The following CHRNA2 variants were observed in gnomAD, a reference collection of about 807,000 sequenced individuals.
CHRNA2 encodes neuronal acetylcholine receptor subunit alpha-2.
CHRNA2 carries 40 observed loss-of-function variants against 45.5 expected under a neutral mutation model. The ratio of observed to expected loss-of-function variants is 0.88; its 90% confidence interval spans 0.68 to 1.15. The LOEUF is 1.15. CHRNA2 is among the 50% of genes most tolerant of loss of function. The pLI, the probability that CHRNA2 is intolerant of heterozygous loss-of-function variation, is 0.00. For synonymous variants in CHRNA2, 301 were observed against 296.7 expected (o/e 1.01, Z -0.15); for missense variants, 655 against 701.7 (o/e 0.93, Z 0.75).
chr8:27,463,455 C>G lies in CHRNA2; in HGVS notation c.988G>C (p.Glu330Gln). ...AAGATCATGGTGAACAGCAGGTACT[C>G]GCCGATGAGCGGGATGACCAGCGAG... Reference protein sequence around the residue: ...STSLVIPLIGEYLLFTMIFVT... With the variant: ...STSLVIPLIGQYLLFTMIFVT... Residue 330 changes from glutamate to glutamine, a missense_variant, in exon 6 of 7, where the codon GAG becomes CAG. This residue lies in a region of CHRNA2 where 295 missense variants were observed against 280.4 expected (regional missense o/e 1.05). Transcript: ENST00000407991. This position sits in a 1 kb window ranked among gnomAD's most constrained non-coding sequence, Gnocchi z 6.1. The G allele has an allele frequency of 6.2e-7, 1 of 1,614,148 alleles. No homozygotes were observed. Among genetic ancestry groups the G allele is most frequent in the South Asian group, 1.1e-5 (1 of 91,082 alleles).
At chr8:27,473,401 T>TA (rs1321549767) in intron 1 of CHRNA2, among the ~76,000 whole-genome samples, 9 of 152,112 alleles carry the variant, frequency 5.9e-5, no homozygotes, top group Admixed American at 2.6e-4. Flanking sequence ...AAAGTGGCTT[T>TA]AAAAATATAA....
rs777510962 is a variant in CHRNA2, at chr8:27,463,292, G to A, written c.1151C>T (p.Pro384Leu). ...VPRWLLMNRP[P>L]PPVELCHPLR... ...GGGGTGGCAGAGCTCCACGGGTGGT[G>A]GGGGCCGGTTCATCAGAAGCCACCG... Residue 384 changes from proline (P) to leucine (L), a missense_variant, in exon 6 of 7, where the codon CCA (proline) becomes CTA (leucine). Around this residue, in one of 3 missense-constraint regions of CHRNA2, gnomAD observed 295 missense variants for 280.4 expected, o/e 1.05. Transcript: ENST00000407991. The surrounding 1 kb of genome is among the most constrained non-coding windows in gnomAD (Gnocchi z 6.1). 8 of 1,609,482 alleles carry A rather than the reference G, an allele frequency of 5.0e-6. No individual in the cohort carries two copies. Among genetic ancestry groups the A allele is most frequent in the Non-Finnish European group, 6.8e-6 (8 of 1,176,648 alleles).
intron 1 of CHRNA2, among the ~76,000 whole-genome samples, 195 bp downstream of exon 1, chr8:27,478,629 A>C (rs1017587946): frequency 1.3e-4 from 20 of 152,206 alleles, no homozygotes; most frequent in Non-Finnish European, 8.8e-5. Context: ...GGAGGTGTTC[A>C]TCGTCACCTG....
In CHRNA2 at chr8:27,467,317, G is replaced by A. The variant is rs746274421; in HGVS notation, c.361C>T (p.Arg121Cys). The change falls in exon 5 of 7, where the codon CGC becomes TGC. Residue 121 changes from arginine (R) to cysteine (C), a missense_variant. Physicochemically the swap from Arg to Cys is radical, Grantham distance 180. Coordinates refer to ENST00000407991, the MANE Select transcript of CHRNA2 (RefSeq NM_000742.4). ...TTGCCAAAATCAGTGGGGTTCCAGC[G>A]CAGTTTGTAGTCGCTCCACTCCTGT... is the stretch of plus-strand genomic sequence containing the variant. ...LKQEWSDYKL[R>C]WNPTDFGNIT... 8.7e-6 allele frequency: 14 copies of A among 1,613,486 alleles called. No individual in the cohort carries two copies. The highest frequency in any genetic ancestry group is 1.7e-5 in the Admixed American group (1 of 60,008).
Position 27,471,129 on chromosome 8 carries a change from C to A in CHRNA2, c.-71G>T. On this transcript the variant is annotated 5_prime_UTR_variant, in exon 2 of 7. Coordinates refer to ENST00000407991, the MANE Select transcript of CHRNA2 (RefSeq NM_000742.4). ...GTTGCACCATGGACCATGTCCCCAGCAGAGCTGCTGCTGGATTCTGTGAGG... is the reference window on the plus strand; with the variant it reads ...GTTGCACCATGGACCATGTCCCCAGAAGAGCTGCTGCTGGATTCTGTGAGG... 7.2e-7 allele frequency: 1 copy of A among 1,397,162 alleles called. No homozygotes were observed. Among genetic ancestry groups the A allele is most frequent in the Non-Finnish European group, 1.0e-6 (1 of 987,296 alleles). 86.5% of individuals were successfully genotyped at this position (1,397,162 alleles called of 1,614,324 possible). A position where few individuals can be genotyped will look rare whatever the true frequency, so the allele number is the denominator to read the frequency against.
rs1036275365 is a variant in CHRNA2 at position 27,462,986 on chromosome 8, T to C, written c.1457A>G (p.Asp486Gly). The change falls in exon 6 of 7, where the codon GAC becomes GGC. Residue 486 changes from aspartate (D) to glycine (G), a missense_variant. Physicochemically the swap from Asp to Gly is moderately conservative, Grantham distance 94 (BLOSUM62 -1). This residue lies in a region of CHRNA2 where 295 missense variants were observed against 280.4 expected (regional missense o/e 1.05). Transcript: ENST00000407991. ...CTCCCAACCCCAACGCACCGAAGAG[T>C]CAGCATCCTCAGACCGCAGGTGGTC... Reference protein sequence around the residue: ...IADHLRSEDADSSVKEDWKYV... With the variant: ...IADHLRSEDAGSSVKEDWKYV... The C allele has an allele frequency of 6.2e-7, 1 of 1,613,582 alleles. No homozygotes were observed. The highest frequency in any genetic ancestry group is 1.3e-5 in the African/African-American group (1 of 74,784).
At chr8:27,466,277 A>C (rs1812695850) in intron 5 of CHRNA2, among the ~76,000 whole-genome samples, 1 of 152,204 alleles carries the variant, frequency 6.6e-6, no homozygotes, top group Admixed American at 6.5e-5. Flanking sequence ...AAAATCCAGA[A>C]ATGGGTTGTT....
intron 5 of CHRNA2, among the ~76,000 whole-genome samples, chr8:27,466,146 G>C (rs1812692294): frequency 6.6e-6 from 1 of 152,070 alleles, no homozygotes; most frequent in Non-Finnish European, 1.5e-5. Context: ...TGCTGTGTGA[G>C]AGCGGCCAGT....
Position 27,463,906 on chromosome 8 carries a change from G to T in CHRNA2, c.537C>A (p.Tyr179Ter). ...GTVHWVPPAIYKSSCSIDVTF... is the reference protein window; with the variant it reads ...GTVHWVPPAI ...TGACGTCGATGCTGCAGGAGCTCTT[G>T]TAGATGGCCGGGGGCACCCAGTGCA... is the stretch of plus-strand genomic sequence containing the variant. The change falls in exon 6 of 7, where the codon TAC (tyrosine) becomes TAA (stop). Residue 179 changes from tyrosine (Y) to a stop codon, truncating the protein, a stop_gained. Transcript: ENST00000407991. LOFTEE classifies it high-confidence loss of function. The surrounding 1 kb of genome is among the most constrained non-coding windows in gnomAD (Gnocchi z 6.1). The T allele has an allele frequency of 1.2e-6, 2 of 1,614,218 alleles. No individual in the cohort carries two copies. Among genetic ancestry groups the T allele is most frequent in the African/African-American group, 2.7e-5 (2 of 75,046 alleles).
intron 1 of CHRNA2, among the ~76,000 whole-genome samples, chr8:27,476,158 G>T (rs1324966344): frequency 6.6e-6 from 1 of 152,180 alleles, no homozygotes; most frequent in Non-Finnish European, 1.5e-5. Flanking sequence ...GACTGTAAGA[G>T]AATGTACTAC....
At chr8:27,477,288 G>T (rs1460565016) in intron 1 of CHRNA2, 1 of 152,180 alleles carries the variant, frequency 6.6e-6, no homozygotes. Context: ...GGCCCACCTG[G>T]ATCCCAGATT....
At chr8:27,472,126 G>A (rs1162173908) in intron 1 of CHRNA2, among the ~76,000 whole-genome samples, 3 of 152,190 alleles carry the variant, frequency 2.0e-5, no homozygotes, top group Non-Finnish European at 2.9e-5. Context: ...TGGAAGCTCC[G>A]TGCCCCTTCC....
At chr8:27,469,504 C>A in intron 3 of CHRNA2, 125 bp from the exon 4 acceptor site, 1 of 1,078,008 alleles carries the variant, frequency 9.3e-7, no homozygotes, top group Admixed American at 2.0e-5. Flanking sequence ...CGCCCGCCAC[C>A]CACTCTGAAA....
intron 1 of CHRNA2, among the ~76,000 whole-genome samples, chr8:27,472,300 G>A (rs1006145424): frequency 6.6e-6 from 1 of 152,214 alleles, no homozygotes; most frequent in Non-Finnish European, 1.5e-5. Flanking sequence ...AGAAGCACAG[G>A]TAAAACAACC....
At chr8:27,473,299 C>A (rs1339465365) in intron 1 of CHRNA2, among the ~76,000 whole-genome samples, 1 of 152,122 alleles carries the variant, frequency 6.6e-6, no homozygotes, top group Non-Finnish European at 1.5e-5. Context: ...GTGGTGACGG[C>A]TGCACACTGT....
At chr8:27,477,141 C>T (rs941611316) in intron 1 of CHRNA2, 2 of 152,156 alleles carry the variant, frequency 1.3e-5, no homozygotes, top group African/African-American at 2.4e-5. Flanking sequence ...GGGGCGATTT[C>T]GTATTAGCAA....
intron 6 of CHRNA2, 123 bp downstream of exon 6, chr8:27,462,856 C>A: frequency 8.5e-7 from 1 of 1,171,570 alleles, no homozygotes. Context: ...AGGACCATGA[C>A]TGAGGAAAGT....
At chr8:27,475,875 G>A (rs558261413) in intron 1 of CHRNA2, among the ~76,000 whole-genome samples, 1 of 152,176 alleles carries the variant, frequency 6.6e-6, no homozygotes, top group South Asian at 2.1e-4. Context: ...ACTCCTTAAG[G>A]GTGACCACTG....
At position 27,469,857 on chromosome 8, in the gene CHRNA2, G is replaced by A. The variant is rs1812818583; in HGVS notation, c.198C>T (p.Leu66=). ...TETEDRLFKH[L]FRGYNRWARP... ...GCGCCCAGCGGTTGTAGCCCCGGAA[G>A]AGGTGTTTGAAGAGCCGGTCCTCAG... Residue 66 remains leucine (L), a synonymous_variant, in exon 3 of 7, where the codon CTC becomes CTT. Transcript: ENST00000407991. 6.2e-7 allele frequency: 1 copy of A among 1,614,072 alleles called. No homozygotes were observed. The highest frequency in any genetic ancestry group is 1.1e-5 in the South Asian group (1 of 91,084).
Sources: gnomAD v4.1 joint callset for allele counts (sites outside exome capture counted in the v4.1 genomes callset) on GRCh38, gnomAD v4.1.1 for gene constraint, gnomAD v4.1.1 regional missense constraint, Gnocchi (gnomAD v3.1) non-coding constraint, MANE v1.5 for transcripts, NCBI Gene and HGNC (gene_info 2026-07-23, HGNC 2026-07-21) for gene names.